The following ATP9A variants were observed in gnomAD, a reference collection of about 807,000 sequenced individuals.
The protein encoded by ATP9A is ATPase phospholipid transporting 9A.
Under a neutral mutation model 144.1 loss-of-function variants are expected in ATP9A, and 52 were observed. The ratio of observed to expected loss-of-function variants is 0.36; its 90% CI spans 0.29 to 0.45. The LOEUF is 0.45. Among genes scored for constraint, ATP9A ranks in the 20% least tolerant of loss-of-function variants. ATP9A has a pLI of 1.00. For synonymous variants in ATP9A, 582 were observed against 557.4 expected (o/e 1.04, Z -0.62); for missense variants, 947 against 1,392.7 (o/e 0.68, Z 5.09).
At chr20:51,648,747 G>A (rs1426722638) in intron 14 of ATP9A, among the ~76,000 whole-genome samples, 2 of 152,150 alleles carry the variant, frequency 1.3e-5, no homozygotes, top group South Asian at 2.1e-4. Context: ...CGGGAGGACT[G>A]CTTGAGGCCA....
intron 14 of ATP9A, among the ~76,000 whole-genome samples, chr20:51,650,310 T>G (rs1601081542): frequency 1.3e-5 from 2 of 152,132 alleles, no homozygotes; most frequent in Middle Eastern, 6.8e-3. Context: ...CCAAGGTGGG[T>G]GAGTCACAAG....
At position 51,674,249 on chromosome 20, in the gene ATP9A, A is replaced by T; in HGVS notation, c.941T>A (p.Val314Asp). ...CTGAAGGGCAACCATGACCAGCGAG[A>T]CCACCACCAGGGCACCAAAGAGGAT... ...TKILFGALVVVSLVMVALQHF... is the reference protein window; with the variant it reads ...TKILFGALVVDSLVMVALQHF... The change falls in exon 11 of 28, where the codon GTC (valine) becomes GAC (aspartate). Residue 314 changes from valine (V) to aspartate (D), a missense_variant. Coordinates refer to ENST00000338821, the MANE Select transcript of ATP9A (RefSeq NM_006045.3). 6.2e-7 allele frequency: 1 copy of T among 1,613,940 alleles called. No individual in the cohort carries two copies. Among genetic ancestry groups the T allele is most frequent in the Non-Finnish European group, 8.5e-7 (1 of 1,179,998 alleles).
intron 19 of ATP9A, among the ~76,000 whole-genome samples, chr20:51,621,147 C>CAAAA (rs377707016): frequency 4.9e-5 from 5 of 102,562 alleles, no homozygotes; most frequent in Non-Finnish European, 3.9e-5. Flanking sequence ...GGCCCCATCT[C>CAAAA]AAAAAAAAAA....
intron 6 of ATP9A, 146 bp from the exon 7 acceptor site, chr20:51,694,248 C>A (rs1280353718): frequency 1.7e-6 from 1 of 595,580 alleles, no homozygotes; most frequent in African/African-American, 1.9e-5. Flanking sequence ...TCTCCTACTT[C>A]TTCCATAATA....
intron 1 of ATP9A, among the ~76,000 whole-genome samples, chr20:51,730,304 T>TA (rs1343398627): frequency 6.6e-6 from 1 of 151,936 alleles, no homozygotes; most frequent in Non-Finnish European, 1.5e-5. Flanking sequence ...TCGTCTGTAC[T>TA]AAAAAATACA....
chr20:51,744,998 G>A (rs191754847), intron 1 of ATP9A, among the ~76,000 whole-genome samples: 42 of 151,658 alleles, frequency 2.8e-4, no homozygotes, highest in South Asian at 4.2e-4. Context: ...GGCATGGGCC[G>A]GGTGCAGTGG....
chr20:51,609,953 A>C (rs1601053935), intron 24 of ATP9A, 148 bp downstream of exon 24: 1 of 669,466 alleles, frequency 1.5e-6, no homozygotes, highest in African/African-American at 1.8e-5. Context: ...AGGAGGTTCT[A>C]AACCATGGTG....
chr20:51,633,200 T>A (rs1314969222), intron 15 of ATP9A, among the ~76,000 whole-genome samples: 2 of 152,130 alleles, frequency 1.3e-5, no homozygotes, highest in African/African-American at 4.8e-5. Flanking sequence ...AGTTAATGAA[T>A]GAAATAGTGG....
intron 9 of ATP9A, among the ~76,000 whole-genome samples, chr20:51,688,668 A>T (rs1407096710): frequency 6.6e-6 from 1 of 152,136 alleles, no homozygotes; most frequent in Admixed American, 6.5e-5. Flanking sequence ...GTGTTTAAAC[A>T]CAGAAGCTCC....
chr20:51,764,363 T>C (rs911367037), intron 1 of ATP9A, among the ~76,000 whole-genome samples: 1 of 152,210 alleles, frequency 6.6e-6, no homozygotes, highest in Non-Finnish European at 1.5e-5. Context: ...TTTCCAGCAA[T>C]GGAGGTGAAA....
intron 7 of ATP9A, 27 bp downstream of exon 7, chr20:51,693,981 T>A (rs750491592): frequency 6.3e-7 from 1 of 1,599,774 alleles, no homozygotes; most frequent in Non-Finnish European, 8.5e-7. Flanking sequence ...GTTGCCCGCA[T>A]GGGCTTCTGC....
intron 9 of ATP9A, 137 bp downstream of exon 9, chr20:51,688,927 C>G: frequency 2.1e-6 from 2 of 967,472 alleles, no homozygotes; most frequent in South Asian, 2.8e-5. Context: ...GTTTAATTCC[C>G]TGGAGGTGTC....
chr20:51,750,572 G>C (rs1479598192), intron 1 of ATP9A, among the ~76,000 whole-genome samples: 1 of 152,204 alleles, frequency 6.6e-6, no homozygotes, highest in Non-Finnish European at 1.5e-5. Flanking sequence ...TGCTGAGTGT[G>C]TGCCAAGCGC....
intron 10 of ATP9A, among the ~76,000 whole-genome samples, chr20:51,674,745 C>G (rs2077470114): frequency 6.6e-6 from 1 of 152,188 alleles, no homozygotes; most frequent in Non-Finnish European, 1.5e-5. Context: ...CCAACACCAA[C>G]TCGGCAGTGC....
At chr20:51,618,382 T>G (rs2077212028) in intron 21 of ATP9A, among the ~76,000 whole-genome samples, 1 of 152,042 alleles carries the variant, frequency 6.6e-6, no homozygotes, top group Admixed American at 6.6e-5. Flanking sequence ...TGAACCCAGA[T>G]CCAACCCCAC....
chr20:51,607,475 C>G, intron 26 of ATP9A, 52 bp downstream of exon 26: 1 of 1,495,072 alleles, frequency 6.7e-7, no homozygotes, highest in African/African-American at 1.4e-5. Flanking sequence ...AAGGGGACAC[C>G]CTGAGTCAGT....
intron 2 of ATP9A, among the ~76,000 whole-genome samples, chr20:51,727,177 A>G (rs942186279): frequency 6.6e-6 from 1 of 151,652 alleles, no homozygotes. Flanking sequence ...CAGGAGGTTG[A>G]GGCAAGAGAA....
intron 11 of ATP9A, among the ~76,000 whole-genome samples, chr20:51,672,462 T>C (rs1481552523): frequency 1.3e-5 from 2 of 152,164 alleles, no homozygotes; most frequent in African/African-American, 4.8e-5. Context: ...ACCACGTCAC[T>C]TAGATTGAAT....
intron 1 of ATP9A, among the ~76,000 whole-genome samples, chr20:51,746,258 C>G (rs948469820): frequency 6.6e-6 from 1 of 152,186 alleles, no homozygotes; most frequent in Non-Finnish European, 1.5e-5. Flanking sequence ...ACAGCAAACC[C>G]CGGTGACATG....
Sources: gnomAD v4.1 joint callset for allele counts (sites outside exome capture counted in the v4.1 genomes callset) on GRCh38, gnomAD v4.1.1 for gene constraint, MANE v1.5 for transcripts, NCBI Gene and HGNC (gene_info 2026-07-23, HGNC 2026-07-21) for gene names.